Variants in PDE10A observed in about 807,000 individuals in gnomAD.
PDE10A encodes the protein cAMP and cAMP-inhibited cGMP 3',5'-cyclic phosphodiesterase 10A.
Under a neutral mutation model 97.7 loss-of-function variants are expected in PDE10A, and 39 were observed. The ratio of observed to expected loss-of-function variants is 0.40; its 90% CI spans 0.31 to 0.52. The LOEUF is 0.52. Among genes scored for constraint, PDE10A ranks in the 20% least tolerant of loss-of-function variants. PDE10A has a pLI of 0.56. For missense variants in PDE10A, 731 were observed against 1,047.8 expected, an observed-to-expected ratio of 0.70 and a Z score of 4.17; for synonymous variants, 371 against 376.8, an observed-to-expected ratio of 0.98 and a Z score of 0.18.
chr6:165,334,811 G>A (rs1338049162), intron 21 of PDE10A, among the ~76,000 whole-genome samples: 2 of 152,142 alleles, frequency 1.3e-5, no homozygotes, highest in African/African-American at 4.8e-5. Flanking sequence ...CAGGAAGGAA[G>A]GAGAAACCGT....
At chr6:165,809,947 C>G (rs894244014) in intron 1 of PDE10A, among the ~76,000 whole-genome samples, 1 of 152,192 alleles carries the variant, frequency 6.6e-6, no homozygotes, top group Non-Finnish European at 1.5e-5. Context: ...ATGATAAATT[C>G]GCTCTGTGCA....
chr6:165,546,475 C>T (rs1174305515), intron 1 of PDE10A, among the ~76,000 whole-genome samples: 1 of 152,028 alleles, frequency 6.6e-6, no homozygotes, highest in East Asian at 1.9e-4. Context: ...TAATGCAACA[C>T]AAGAATCTAA....
At chr6:165,905,049 T>C (rs900563435) in intron 1 of PDE10A, among the ~76,000 whole-genome samples, 13 of 152,218 alleles carry the variant, frequency 8.5e-5, no homozygotes, top group Non-Finnish European at 1.8e-4. Context: ...ATAGAATATG[T>C]TATTTACTGT....
At chr6:165,783,218 C>T (rs990589138) in intron 1 of PDE10A, among the ~76,000 whole-genome samples, 4 of 152,154 alleles carry the variant, frequency 2.6e-5, no homozygotes, top group Non-Finnish European at 4.4e-5. Flanking sequence ...ACAGAGGGCA[C>T]CTCATCACAC....
At chr6:165,693,814 AG>A (rs1194167123) in intron 1 of PDE10A, among the ~76,000 whole-genome samples, 1 of 152,132 alleles carries the variant, frequency 6.6e-6, no homozygotes, top group Non-Finnish European at 1.5e-5. Flanking sequence ...TCAGGCAAAA[AG>A]GTCATAATCT....
Position 165,661,934 on chromosome 6 carries a change from GC to G in PDE10A, c.865+12del, listed in dbSNP as rs1257036945. 1 of 915,416 alleles carries G rather than the reference GC, an allele frequency of 1.1e-6. No homozygotes were observed. The highest frequency in any genetic ancestry group is 1.7e-5 in the African/African-American group (1 of 59,562). The allele number at this position is 915,416 out of a possible 1,614,324, so 56.7% of individuals were successfully genotyped here. A position where few individuals can be genotyped will look rare whatever the true frequency, so the allele number is the denominator to read the frequency against. On this transcript the variant is annotated intron_variant, in intron 1 of 21. Coordinates refer to ENST00000539869, the MANE Select transcript of PDE10A (RefSeq NM_001385079.1). The surrounding 1 kb of genome is among the most constrained non-coding windows in gnomAD (Gnocchi z 4.8). ...CCGCCCCACCTCCGGGGAACGGGGA[GC>G]AGGCCACTTACTGGGGCTCAGGAAG...
At chr6:165,887,806 C>T (rs1781669330) in intron 1 of PDE10A, among the ~76,000 whole-genome samples, 1 of 152,220 alleles carries the variant, frequency 6.6e-6, no homozygotes, top group South Asian at 2.1e-4. Context: ...CCCATGCCTA[C>T]ATTCAGCCCT....
chr6:165,693,717 A>G (rs1243048566), intron 1 of PDE10A, among the ~76,000 whole-genome samples: 4 of 152,070 alleles, frequency 2.6e-5, no homozygotes, highest in East Asian at 1.9e-4. Flanking sequence ...ATGTTCCCCA[A>G]TCTGAAAGAA....
At chr6:165,601,081 G>A (rs1786918069) in intron 1 of PDE10A, among the ~76,000 whole-genome samples, 1 of 152,218 alleles carries the variant, frequency 6.6e-6, no homozygotes, top group South Asian at 2.1e-4. Flanking sequence ...TGAATCATGG[G>A]AGTTGGTCTT....
At chr6:165,432,173 A>G (rs1355678538) in intron 7 of PDE10A, among the ~76,000 whole-genome samples, 1 of 152,218 alleles carries the variant, frequency 6.6e-6, no homozygotes, top group African/African-American at 2.4e-5. Flanking sequence ...AAGAAATGAA[A>G]TAAGTGTAGC....
At chr6:165,555,267 T>A (rs925282828) in intron 1 of PDE10A, among the ~76,000 whole-genome samples, 7 of 152,126 alleles carry the variant, frequency 4.6e-5, no homozygotes, top group Non-Finnish European at 1.0e-4. Context: ...TATCAAAATC[T>A]CTCACGTACG....
rs1288084969 is a variant in PDE10A at position 165,823,511 on chromosome 6, T to TGAACCTTAATTATAA, written c.-615+164017_-615+164018insTTATAATTAAGGTTC. ...ATATATATATATATATATATATATATATATATATATATATGAACCTTAATT... is the reference window on the plus strand; with the variant it reads ...ATATATATATATATATATATATATATGAACCTTAATTATAAATATATATATATATGAACCTTAATT... On this transcript the variant is annotated intron_variant, in intron 1 of 19. Transcript: ENST00000366882. 1.4e-3 allele frequency among the ~76,000 whole-genome samples: 137 copies of TGAACCTTAATTATAA among 97,320 alleles called. No homozygotes were observed. The Middle Eastern group carries it at 0.019, about 13-fold the overall frequency. The allele number at this position is 97,320 out of a possible 152,430, so 63.8% of individuals were successfully genotyped here. A position where few individuals can be genotyped will look rare whatever the true frequency, so the allele number is the denominator to read the frequency against.
At chr6:165,651,872 A>G (rs1789702892) in intron 1 of PDE10A, among the ~76,000 whole-genome samples, 1 of 152,170 alleles carries the variant, frequency 6.6e-6, no homozygotes, top group African/African-American at 2.4e-5. Flanking sequence ...ATGACTACCT[A>G]GTATCCTCAA....
At chr6:165,417,011 CTTAA>C (rs59869421) in intron 11 of PDE10A, among the ~76,000 whole-genome samples, 36,068 of 151,812 alleles carry the variant, frequency 0.24, 4,858 homozygotes, top group African/African-American at 0.36. Context: ...TCAAAACTTC[CTTAA>C]TTAACAAAGA....
At chr6:165,938,860 A>T (rs534153202) in intron 1 of PDE10A, among the ~76,000 whole-genome samples, 3 of 152,228 alleles carry the variant, frequency 2.0e-5, no homozygotes, top group Non-Finnish European at 4.4e-5. Context: ...ATAAAATTCT[A>T]TTTGGAGACT....
At chr6:165,718,034 G>A (rs6918501) in intron 1 of PDE10A, among the ~76,000 whole-genome samples, 5 of 151,970 alleles carry the variant, frequency 3.3e-5, no homozygotes, top group South Asian at 2.1e-4. Context: ...ATTTTCTCCC[G>A]TTCCGTGGGT....
chr6:165,518,264 T>C (rs1781931813), intron 2 of PDE10A, among the ~76,000 whole-genome samples: 2 of 152,184 alleles, frequency 1.3e-5, no homozygotes, highest in Admixed American at 6.5e-5. Flanking sequence ...TGAAGAGTAA[T>C]CTTTACAGTA....
intron 1 of PDE10A, among the ~76,000 whole-genome samples, chr6:165,647,456 T>C (rs989219861): frequency 2.0e-5 from 3 of 151,952 alleles, no homozygotes; most frequent in South Asian, 4.1e-4. Context: ...GTCCCATAAA[T>C]GGGGAATGGG....
chr6:165,896,295 C>T (rs1781946311), intron 1 of PDE10A, among the ~76,000 whole-genome samples: 1 of 152,080 alleles, frequency 6.6e-6, no homozygotes, highest in South Asian at 2.1e-4. Flanking sequence ...GCTTCCATGA[C>T]TGTCATTTTA....
Sources: allele counts gnomAD v4.1 joint callset (sites outside exome capture counted in the v4.1 genomes callset), GRCh38; gene constraint gnomAD v4.1.1; non-coding constraint Gnocchi (gnomAD v3.1); transcripts MANE v1.5; gene names NCBI Gene and HGNC (gene_info 2026-07-23, HGNC 2026-07-21).